Variants in TRIM44 observed in about 807,000 individuals in gnomAD.
The protein encoded by TRIM44 is tripartite motif containing 44, also known as tripartite motif-containing protein 44.
TRIM44 carries 13 observed loss-of-function variants against 37.4 expected under a neutral mutation model. The ratio of observed to expected loss-of-function variants is 0.35; its 90% CI spans 0.23 to 0.55. The LOEUF (loss-of-function observed/expected upper bound fraction) is 0.55, where lower values mean the gene tolerates loss of function less well. TRIM44 is among the 20% of genes least tolerant of loss of function. The probability of loss-of-function intolerance (pLI) is 0.89; values close to 1 mark genes in which losing one functional copy is unlikely to be tolerated. For synonymous variants in TRIM44, 175 were observed against 157.2 expected (o/e 1.11, Z -0.85); for missense variants, 426 against 437.2 (o/e 0.97, Z 0.23).
intron 1 of TRIM44, among the ~76,000 whole-genome samples, chr11:35,684,901 A>G (rs370197871): frequency 6.6e-6 from 1 of 152,234 alleles, no homozygotes; most frequent in Non-Finnish European, 1.5e-5. Flanking sequence ...TCTGATGCAT[A>G]AAGGTTCAAA....
At chr11:35,728,329 A>G (rs1852211528) in intron 3 of TRIM44, among the ~76,000 whole-genome samples, 1 of 152,342 alleles carries the variant, frequency 6.6e-6, no homozygotes, top group Non-Finnish European at 1.5e-5. Context: ...TCCATCTCAA[A>G]AAAAAAAGTT....
At chr11:35,778,832 C>T (rs533211507) in intron 4 of TRIM44, among the ~76,000 whole-genome samples, 1 of 152,212 alleles carries the variant, frequency 6.6e-6, no homozygotes, top group South Asian at 2.1e-4. Flanking sequence ...GGGCACCTGG[C>T]TGTATGAGGT....
chr11:35,701,600 G>T (rs958824633), intron 2 of TRIM44, among the ~76,000 whole-genome samples: 11 of 152,128 alleles, frequency 7.2e-5, no homozygotes, highest in Non-Finnish European at 1.3e-4. Flanking sequence ...ACAGTCACGT[G>T]GTTACAAGGT....
chr11:35,723,113 CTCTT>C (rs889149452), intron 2 of TRIM44, among the ~76,000 whole-genome samples: 2 of 151,266 alleles, frequency 1.3e-5, no homozygotes, highest in South Asian at 2.1e-4. Flanking sequence ...ATCTCTCCTT[CTCTT>C]TCTTTTTCTT....
At chr11:35,755,380 G>C (rs1852622901) in intron 4 of TRIM44, among the ~76,000 whole-genome samples, 1 of 152,124 alleles carries the variant, frequency 6.6e-6, no homozygotes, top group African/African-American at 2.4e-5. Flanking sequence ...ATTTGTTTGA[G>C]TTCATTGTAG....
intron 4 of TRIM44, among the ~76,000 whole-genome samples, chr11:35,800,220 G>A (rs533095309): frequency 2.6e-5 from 4 of 152,260 alleles, no homozygotes; most frequent in South Asian, 4.2e-4. Flanking sequence ...ATGAAGCCAC[G>A]GACCTTCACG....
intron 2 of TRIM44, among the ~76,000 whole-genome samples, chr11:35,695,589 T>G (rs1016276073): frequency 6.6e-6 from 1 of 152,152 alleles, no homozygotes; most frequent in Non-Finnish European, 1.5e-5. Context: ...TAGGATCCTT[T>G]TCATCCTTTC....
chr11:35,773,622 TC>T (rs1852906410), intron 4 of TRIM44, among the ~76,000 whole-genome samples: 1 of 151,992 alleles, frequency 6.6e-6, no homozygotes, highest in Non-Finnish European at 1.5e-5. Context: ...CCCTCCCCTC[TC>T]CCCCTACCCC....
intron 4 of TRIM44, among the ~76,000 whole-genome samples, chr11:35,787,070 A>G (rs949838018): frequency 6.6e-6 from 1 of 152,122 alleles, no homozygotes; most frequent in Non-Finnish European, 1.5e-5. Flanking sequence ...TCAGTTTGTA[A>G]TCACTGCTTG....
intron 1 of TRIM44, among the ~76,000 whole-genome samples, chr11:35,678,015 A>G (rs1945614471): frequency 6.6e-6 from 1 of 152,214 alleles, no homozygotes; most frequent in South Asian, 2.1e-4. Flanking sequence ...CAGCAAGTGT[A>G]AAAGCCCTGA....
In TRIM44 at chr11:35,662,800, T is replaced by G. The variant is rs573997284; in HGVS notation, c.-312T>G. 5.3e-5 allele frequency: 13 copies of G among 245,286 alleles called. No individual in the cohort carries two copies. Among genetic ancestry groups the G allele is most frequent in the East Asian group, 4.0e-4 (5 of 12,496 alleles). The allele number at this position is 245,286 out of a possible 1,614,324, so 15.2% of individuals were successfully genotyped here. A position where few individuals can be genotyped will look rare whatever the true frequency, so the allele number is the denominator to read the frequency against. On this transcript the variant is annotated 5_prime_UTR_variant, in exon 1 of 5. Coordinates refer to ENST00000299413, the MANE Select transcript of TRIM44 (RefSeq NM_017583.6). The stretch of plus-strand genomic sequence containing the variant: ...GGCGGCTGCCGCGATCTCTCCCTGG[T>G]AGCGGGAGGCTGAGCGGGCGGCGCG...
chr11:35,766,977 C>T (rs902325938), intron 4 of TRIM44, among the ~76,000 whole-genome samples: 1 of 152,176 alleles, frequency 6.6e-6, no homozygotes, highest in African/African-American at 2.4e-5. Flanking sequence ...GCATGAAGTA[C>T]TAAGGAATAG....
intron 4 of TRIM44, among the ~76,000 whole-genome samples, chr11:35,747,757 T>G (rs1852508969): frequency 6.6e-6 from 1 of 152,152 alleles, no homozygotes; most frequent in Non-Finnish European, 1.5e-5. Context: ...AGCCATCAGC[T>G]GCCATTGCCT....
At chr11:35,778,218 A>C in intron 4 of TRIM44, among the ~76,000 whole-genome samples, 1 of 152,088 alleles carries the variant, frequency 6.6e-6, no homozygotes, top group East Asian at 1.9e-4. Context: ...ATCCTCGATC[A>C]CTGATACCCT....
chr11:35,744,035 C>A (rs1162500949), intron 4 of TRIM44, among the ~76,000 whole-genome samples: 1 of 152,212 alleles, frequency 6.6e-6, no homozygotes, highest in Non-Finnish European at 1.5e-5. Context: ...CTGTGCACAA[C>A]TGTACATATT....
At chr11:35,735,988 T>C (rs761102414) in intron 4 of TRIM44, among the ~76,000 whole-genome samples, 1 of 152,136 alleles carries the variant, frequency 6.6e-6, no homozygotes, top group Admixed American at 6.5e-5. Context: ...TAGAAGTGCA[T>C]TTTATTATTG....
chr11:35,775,788 G>T (rs1316469911), intron 4 of TRIM44, among the ~76,000 whole-genome samples: 2 of 152,196 alleles, frequency 1.3e-5, no homozygotes, highest in African/African-American at 2.4e-5. Flanking sequence ...ATTTGCGTAT[G>T]TTGAACCAGC....
chr11:35,755,010 G>T (rs941599620), intron 4 of TRIM44, among the ~76,000 whole-genome samples: 5 of 152,140 alleles, frequency 3.3e-5, no homozygotes, highest in Admixed American at 2.6e-4. Flanking sequence ...AATCCTTTGG[G>T]TATATACCCA....
intron 2 of TRIM44, among the ~76,000 whole-genome samples, chr11:35,711,470 T>G (rs1025929736): frequency 1.8e-5 from 1 of 56,184 alleles, no homozygotes; most frequent in African/African-American, 1.1e-4. Context: ...GATTTTTTGT[T>G]TTTTTTTTTT....
Sources: gnomAD v4.1 joint callset for allele counts (sites outside exome capture counted in the v4.1 genomes callset) on GRCh38, gnomAD v4.1.1 for gene constraint, MANE v1.5 for transcripts, NCBI Gene and HGNC (gene_info 2026-07-23, HGNC 2026-07-21) for gene names.